ZNF407: variants seen among roughly 807,000 people sequenced by gnomAD.
ZNF407 encodes zinc finger protein 407.
A neutral mutation model predicts 131.2 loss-of-function variants in ZNF407; 17 were observed. The ratio of observed to expected loss-of-function variants is 0.13; its 90% CI spans 0.09 to 0.19. ZNF407 has a LOEUF of 0.19. Among genes scored for constraint, ZNF407 ranks in the 10% least tolerant of loss-of-function variants. ZNF407 has a pLI of 1.00. For missense variants in ZNF407, 2,681 were observed against 2,830.6 expected (o/e 0.95, Z 1.20); for synonymous variants, 1,156 against 1,062.0 (o/e 1.09, Z -1.72).
In ZNF407 at chr18:74,657,901, T is replaced by TTTCTTCTTCTTCTTCTTCTTC. The variant is rs58407278; in HGVS notation, c.4802+16793_4802+16813dup. ...TCTTGCTCTCTACTTCTCCTTTTCC[T>TTTCTTCTTCTTCTTCTTCTTC]TTCTTCTTCTTCTTCTTCTTCTTCT... On this transcript the variant is annotated intron_variant, in intron 3 of 8. Coordinates refer to ENST00000299687, the MANE Select transcript of ZNF407 (RefSeq NM_017757.3). Among the ~76,000 whole-genome samples the TTTCTTCTTCTTCTTCTTCTTC allele has an allele frequency of 2.8e-3, 410 of 147,770 alleles. 4 individuals carry two copies. Among genetic ancestry groups the TTTCTTCTTCTTCTTCTTCTTC allele is most frequent in the African/African-American group, 9.8e-3 (387 of 39,450 alleles).
intron 8 of ZNF407, among the ~76,000 whole-genome samples, chr18:74,947,023 T>G (rs921006724): frequency 1.3e-5 from 2 of 152,246 alleles, no homozygotes; most frequent in African/African-American, 4.8e-5. Context: ...CTAGTCTGTG[T>G]GGTTTATCTT....
chr18:74,802,701 G>A (rs1209985613), intron 4 of ZNF407, among the ~76,000 whole-genome samples: 3 of 152,172 alleles, frequency 2.0e-5, no homozygotes, highest in African/African-American at 7.2e-5. Flanking sequence ...TGGATATCCA[G>A]TGGAAGAAAA....
At chr18:74,713,784 A>G (rs1476282435) in intron 3 of ZNF407, among the ~76,000 whole-genome samples, 2 of 152,190 alleles carry the variant, frequency 1.3e-5, no homozygotes, top group African/African-American at 4.8e-5. Flanking sequence ...TTTGACAGTG[A>G]TGCCATTACA....
intron 4 of ZNF407, among the ~76,000 whole-genome samples, chr18:74,852,335 G>C (rs1319633066): frequency 6.6e-6 from 1 of 152,102 alleles, no homozygotes; most frequent in Non-Finnish European, 1.5e-5. Context: ...CATAACTTTT[G>C]AGGGGAGGGA....
Position 74,633,100 on chromosome 18 carries a change from G to A in ZNF407, c.2081G>A (p.Gly694Asp), listed in dbSNP as rs1405254551. 2 of 1,613,754 alleles carry A rather than the reference G, an allele frequency of 1.2e-6. No individual in the cohort carries two copies. Among genetic ancestry groups the A allele is most frequent in the Non-Finnish European group, 1.7e-6 (2 of 1,179,858 alleles). The change falls in exon 2 of 9, where the codon GGT becomes GAT. Residue 694 changes from glycine to aspartate, a missense_variant. Transcript: ENST00000299687. ...CCTCTGAAGTCCAGGGTAAGCCATG[G>A]TAATGAAGTGAGGCATTCCAGTAAG... ...EEPLKSRVSHGNEVRHSSKPQ... is the reference protein window; with the variant it reads ...EEPLKSRVSHDNEVRHSSKPQ...
At chr18:74,697,040 T>C (rs570816606) in intron 3 of ZNF407, among the ~76,000 whole-genome samples, 2 of 152,346 alleles carry the variant, frequency 1.3e-5, no homozygotes, top group Admixed American at 6.5e-5. Context: ...GGCATAACAC[T>C]GTTGATTGCT....
intron 8 of ZNF407, among the ~76,000 whole-genome samples, chr18:74,988,236 C>A (rs4255857): frequency 0.2 from 31,163 of 152,036 alleles, 3,657 homozygotes; most frequent in Middle Eastern, 0.3. Flanking sequence ...AACCCTTACA[C>A]CATTCAAAAA....
At chr18:74,669,967 G>A (rs965429579) in intron 3 of ZNF407, among the ~76,000 whole-genome samples, 1 of 152,180 alleles carries the variant, frequency 6.6e-6, no homozygotes, top group East Asian at 1.9e-4. Flanking sequence ...TCTGAGGAGA[G>A]CCCATTCTGT....
At chr18:74,748,368 A>T (rs1968719950) in intron 3 of ZNF407, among the ~76,000 whole-genome samples, 1 of 151,928 alleles carries the variant, frequency 6.6e-6, no homozygotes, top group South Asian at 2.1e-4. Context: ...GATCAGAAAA[A>T]GCTTGGGTTT....
chr18:74,671,815 C>T (rs1986151659), intron 3 of ZNF407, among the ~76,000 whole-genome samples: 1 of 152,170 alleles, frequency 6.6e-6, no homozygotes, highest in South Asian at 2.1e-4. Flanking sequence ...CATTGTACTG[C>T]CTCCCACAGA....
chr18:75,015,205 A>G (rs966676624), intron 8 of ZNF407, among the ~76,000 whole-genome samples: 1 of 152,060 alleles, frequency 6.6e-6, no homozygotes, highest in South Asian at 2.1e-4. Context: ...TAAGGCAATA[A>G]ATATTTTAGG....
chr18:74,970,268 G>A (rs1054965833), intron 8 of ZNF407, among the ~76,000 whole-genome samples: 2 of 151,802 alleles, frequency 1.3e-5, no homozygotes, highest in Admixed American at 1.3e-4. Context: ...TTCCTCCCCT[G>A]GGCCCTCCAA....
chr18:74,967,090 G>A lies in ZNF407; in HGVS notation c.5428+46398G>A, dbSNP rs142287840. ...AGCCTGGGCAACATAGGGAAACCTC[G>A]TCTCTACAAAATATTTAAAAAAGTA... is the stretch of plus-strand genomic sequence containing the variant. On this transcript the variant is annotated intron_variant, in intron 8 of 8. Transcript: ENST00000299687. Among the ~76,000 whole-genome samples the A allele has an allele frequency of 2.8e-3, 424 of 152,082 alleles. 2 individuals are homozygous for A. Among genetic ancestry groups the A allele is most frequent in the African/African-American group, 9.3e-3 (385 of 41,472 alleles).
At position 74,631,263 on chromosome 18, in the gene ZNF407, G is replaced by A; in HGVS notation, c.244G>A (p.Glu82Lys). 6.2e-7 allele frequency: 1 copy of A among 1,613,998 alleles called. No homozygotes were observed. The highest frequency in any genetic ancestry group is 8.5e-7 in the Non-Finnish European group (1 of 1,179,894). Residue 82 changes from glutamate (E) to lysine (K), a missense_variant, in exon 2 of 9, where the codon GAG becomes AAG. Coordinates refer to ENST00000299687, the MANE Select transcript of ZNF407 (RefSeq NM_017757.3). ...CAAACGCAGGAAATTAGATGAGGCA[G>A]AGCCCCTTAAATCTGGAAAGCAAGG... ...ASKRRKLDEA[E>K]PLKSGKQGIC...
intron 3 of ZNF407, among the ~76,000 whole-genome samples, chr18:74,734,583 G>A (rs1968367669): frequency 6.6e-6 from 1 of 152,010 alleles, no homozygotes; most frequent in South Asian, 2.1e-4. Flanking sequence ...GATAGTTTCA[G>A]TACCAGGAAA....
At chr18:75,012,277 CATAGTG>C (rs1972983942) in intron 8 of ZNF407, among the ~76,000 whole-genome samples, 1 of 116,960 alleles carries the variant, frequency 8.5e-6, no homozygotes, top group Non-Finnish European at 1.9e-5. Flanking sequence ...TGTATGTACA[CATAGTG>C]TATGTACACA....
intron 3 of ZNF407, among the ~76,000 whole-genome samples, chr18:74,769,770 A>T (rs1850589116): frequency 1.3e-5 from 2 of 152,174 alleles, no homozygotes; most frequent in Admixed American, 1.3e-4. Flanking sequence ...TTTTCACTGA[A>T]CTTCTACTAT....
intron 3 of ZNF407, among the ~76,000 whole-genome samples, chr18:74,778,152 T>C (rs966890649): frequency 6.6e-6 from 1 of 152,220 alleles, no homozygotes; most frequent in South Asian, 2.1e-4. Context: ...GCCTTCAGTG[T>C]TGCTATTCTC....
intron 8 of ZNF407, among the ~76,000 whole-genome samples, chr18:75,059,846 G>A (rs1218782040): frequency 1.3e-5 from 2 of 152,150 alleles, no homozygotes; most frequent in Non-Finnish European, 2.9e-5. Context: ...CCTGCCCGTG[G>A]GACCTGCACG....
Sources: allele counts gnomAD v4.1 joint callset (sites outside exome capture counted in the v4.1 genomes callset), GRCh38; gene constraint gnomAD v4.1.1; transcripts MANE v1.5; gene names NCBI Gene and HGNC (gene_info 2026-07-23, HGNC 2026-07-21).